The following LIMS1 variants were observed in gnomAD, a reference collection of about 807,000 sequenced individuals.
LIMS1 encodes the protein LIM zinc finger domain containing 1, also known as LIM and senescent cell antigen-like-containing domain protein 1.
LIMS1 carries 18 observed loss-of-function variants against 44.1 expected under a neutral mutation model. That is an observed-to-expected ratio of 0.41 (90% confidence interval 0.28 to 0.61). The LOEUF (loss-of-function observed/expected upper bound fraction) is 0.61, where lower values mean the gene tolerates loss of function less well. Ranked by LOEUF, LIMS1 falls within the 20% of genes least tolerant of loss-of-function variation. The probability of loss-of-function intolerance (pLI) is 0.32; values close to 1 mark genes in which losing one functional copy is unlikely to be tolerated. For synonymous variants in LIMS1, 93 were observed against 149.1 expected, an observed-to-expected ratio of 0.62 and a Z score of 2.74; for missense variants, 201 against 422.0, an observed-to-expected ratio of 0.48 and a Z score of 4.59.
intron 2 of LIMS1, among the ~76,000 whole-genome samples, chr2:108,664,327 T>A (rs1225715523): frequency 6.6e-6 from 1 of 152,230 alleles, no homozygotes; most frequent in Admixed American, 6.5e-5. Context: ...CAGCTCAGAA[T>A]AATTGTTTCT....
chr2:108,588,245 T>C (rs1046167750), intron 1 of LIMS1: 5 of 688,802 alleles, frequency 7.3e-6, no homozygotes, highest in Admixed American at 6.6e-5. Flanking sequence ...TAACACACCA[T>C]GTCACATGAT....
intron 1 of LIMS1, among the ~76,000 whole-genome samples, chr2:108,542,284 G>A (rs1213142971): frequency 6.6e-6 from 1 of 152,174 alleles, no homozygotes; most frequent in Non-Finnish European, 1.5e-5. Flanking sequence ...TTCCTCCTAG[G>A]CCACTGTTTT....
chr2:108,684,522 G>GT (rs1693207682), exon 10 of LIMS1: 1 of 151,958 alleles, frequency 6.6e-6, no homozygotes, highest in South Asian at 2.1e-4. Flanking sequence ...ACATTACTAA[G>GT]ACAAAAAACA....
intron 1 of LIMS1, among the ~76,000 whole-genome samples, chr2:108,645,405 C>T (rs749291836): frequency 6.6e-6 from 1 of 151,862 alleles, no homozygotes; most frequent in Non-Finnish European, 1.5e-5. Flanking sequence ...GCTTCATAAG[C>T]GAAGGAGAAA....
At chr2:108,598,723 A>G (rs1213872119) in intron 1 of LIMS1, among the ~76,000 whole-genome samples, 1 of 152,212 alleles carries the variant, frequency 6.6e-6, no homozygotes, top group African/African-American at 2.4e-5. Context: ...TTCTCCTGTC[A>G]TTGTAAACGT....
exon 1 of LIMS1, chr2:108,534,470 A>G: frequency 1.0e-6 from 1 of 979,594 alleles, no homozygotes; most frequent in East Asian, 5.4e-5. Context: ...CGGGCCCGCC[A>G]GTAGCCGGCC....
intron 1 of LIMS1, among the ~76,000 whole-genome samples, chr2:108,609,917 C>T (rs556301869): frequency 2.0e-4 from 30 of 151,920 alleles, no homozygotes; most frequent in Non-Finnish European, 3.1e-4. Flanking sequence ...CCGAGGTGGG[C>T]GGATCACGAG....
chr2:108,665,889 T>G (rs904074380), intron 2 of LIMS1, among the ~76,000 whole-genome samples: 1 of 152,212 alleles, frequency 6.6e-6, no homozygotes, highest in Non-Finnish European at 1.5e-5. Flanking sequence ...ATTTATCCAT[T>G]TTAAGGGAAA....
chr2:108,561,904 A>G (rs1256220009), intron 1 of LIMS1, among the ~76,000 whole-genome samples: 3 of 151,720 alleles, frequency 2.0e-5, no homozygotes, highest in Middle Eastern at 3.2e-3. Flanking sequence ...CACCATGCCC[A>G]GCTAATTTTT....
intron 1 of LIMS1, among the ~76,000 whole-genome samples, chr2:108,547,015 G>T (rs1190202821): frequency 1.3e-5 from 2 of 152,218 alleles, no homozygotes; most frequent in Admixed American, 6.5e-5. Context: ...TCATTATGAG[G>T]TAAGAAGAAG....
chr2:108,673,931 T>C (rs1372386706), intron 5 of LIMS1: 1 of 152,244 alleles, frequency 6.6e-6, no homozygotes, highest in Non-Finnish European at 1.5e-5. Context: ...GCTTGGTTTA[T>C]ATCTAAAAGA....
intron 1 of LIMS1, among the ~76,000 whole-genome samples, chr2:108,619,601 T>C (rs1488484300): frequency 6.6e-6 from 1 of 152,080 alleles, no homozygotes; most frequent in Non-Finnish European, 1.5e-5. Context: ...CGAGAATCAC[T>C]TGAACCCGGG....
chr2:108,535,143 CTTGAG>C (rs1684084704), intron 1 of LIMS1, among the ~76,000 whole-genome samples: 1 of 152,242 alleles, frequency 6.6e-6, no homozygotes, highest in Non-Finnish European at 1.5e-5. Context: ...TTGCGAATCT[CTTGAG>C]TTGTCTGACT....
chr2:108,566,786 G>T (rs1685305906), intron 1 of LIMS1, among the ~76,000 whole-genome samples: 1 of 152,010 alleles, frequency 6.6e-6, no homozygotes, highest in Non-Finnish European at 1.5e-5. Flanking sequence ...TAGTAGAGAT[G>T]GGGTTTCGCC....
At chr2:108,564,479 T>C (rs10169086) in intron 1 of LIMS1, among the ~76,000 whole-genome samples, 2 of 152,054 alleles carry the variant, frequency 1.3e-5, no homozygotes, top group African/African-American at 4.8e-5. Context: ...AGAGATAGAC[T>C]TATTTTGAGG....
At chr2:108,555,036 C>T (rs1214428680) in intron 1 of LIMS1, among the ~76,000 whole-genome samples, 2 of 152,168 alleles carry the variant, frequency 1.3e-5, no homozygotes, top group Non-Finnish European at 2.9e-5. Context: ...CTTTGTCTTT[C>T]CTAATAACGA....
chr2:108,578,696 C>T (rs1352387632), intron 1 of LIMS1, among the ~76,000 whole-genome samples: 10 of 150,842 alleles, frequency 6.6e-5, no homozygotes, highest in Admixed American at 4.0e-4. Context: ...CAGGTTCACG[C>T]CATTCTCCTG....
At chr2:108,684,025 C>A (rs1693180944) in exon 10 of LIMS1, 4 of 1,197,080 alleles carry the variant, frequency 3.3e-6, no homozygotes, top group African/African-American at 1.5e-5. Context: ...CTTTTCTATG[C>A]AAGATAAGAG....
intron 1 of LIMS1, among the ~76,000 whole-genome samples, chr2:108,641,663 A>G (rs946722406): frequency 6.6e-6 from 1 of 152,194 alleles, no homozygotes; most frequent in Admixed American, 6.5e-5. Context: ...TTTATTTTAA[A>G]CTAGCTTGAG....
Sources: gnomAD v4.1 joint callset for allele counts (sites outside exome capture counted in the v4.1 genomes callset) on GRCh38, gnomAD v4.1.1 for gene constraint, MANE v1.5 for transcripts, NCBI Gene and HGNC (gene_info 2026-07-23, HGNC 2026-07-21) for gene names.